Variants in LPCAT1 observed in about 807,000 individuals in gnomAD.
LPCAT1 encodes the protein 1-acylglycerol-3-phosphate O-acyltransferase.
A neutral mutation model predicts 60.9 loss-of-function variants in LPCAT1; 23 were observed. That is an observed-to-expected ratio of 0.38 (90% CI 0.27 to 0.53). The LOEUF (loss-of-function observed/expected upper bound fraction) is 0.53. LPCAT1 is among the 20% of genes least tolerant of loss of function. The probability of loss-of-function intolerance (pLI) is 0.82; values close to 1 mark genes in which losing one functional copy is unlikely to be tolerated. For synonymous variants in LPCAT1, 340 were observed against 301.1 expected, an observed-to-expected ratio of 1.13 and a Z score of -1.34; for missense variants, 622 against 723.6, an observed-to-expected ratio of 0.86 and a Z score of 1.61.
intron 3 of LPCAT1, among the ~76,000 whole-genome samples, chr5:1,494,415 G>C (rs1053352092): frequency 6.0e-5 from 8 of 133,148 alleles, no homozygotes; most frequent in Non-Finnish European, 1.1e-4. Flanking sequence ...GCAGCGTGGT[G>C]GGGGGGGGGT....
chr5:1,477,469 G>A lies in LPCAT1; in HGVS notation c.834C>T (p.Ser278=). The change falls in exon 9 of 14, where the codon AGC becomes AGT. Residue 278 remains serine, a synonymous_variant. Transcript: ENST00000283415. The surrounding 1 kb of genome is among the most constrained non-coding windows in gnomAD (Gnocchi z 6.0). ...GGTTCCTCTTCTCCTCCTCAGAAGG[G>A]CTGTACACAGGAAGGAACTGAGCAC... The part of the protein sequence containing the change: ...QVEIEFLPVY[S]PSEEEKRNPA... 3.1e-6 allele frequency: 5 copies of A among 1,613,822 alleles called. No individual in the cohort carries two copies. The highest frequency in any genetic ancestry group is 1.1e-5 in the South Asian group (1 of 91,076).
chr5:1,509,373 C>G (rs1169026062), intron 1 of LPCAT1, among the ~76,000 whole-genome samples: 2 of 152,252 alleles, frequency 1.3e-5, no homozygotes, highest in African/African-American at 4.8e-5. Flanking sequence ...TGCAAATCCA[C>G]GAGAGAACGT....
intron 8 of LPCAT1, among the ~76,000 whole-genome samples, chr5:1,479,312 G>A (rs972301689): frequency 2.0e-5 from 3 of 152,204 alleles, no homozygotes; most frequent in African/African-American, 7.2e-5. Flanking sequence ...GGCCCAGGAG[G>A]TCGAGGCTGC....
intron 2 of LPCAT1, among the ~76,000 whole-genome samples, chr5:1,500,362 TA>T (rs749487332): frequency 1.3e-5 from 2 of 152,282 alleles, no homozygotes; most frequent in Non-Finnish European, 2.9e-5. Context: ...TTTAGGAATT[TA>T]AATGAAACAA....
rs568511795 is a variant in LPCAT1 at position 1,483,953 on chromosome 5, C to T, written c.668-467G>A. Among the ~76,000 whole-genome samples, 7 of 152,248 alleles carry T rather than the reference C, an allele frequency of 4.6e-5. No homozygotes were observed. The highest frequency in any genetic ancestry group is 1.3e-4 in the Admixed American group (2 of 15,290). On this transcript the variant is annotated intron_variant, in intron 5 of 13. Coordinates refer to ENST00000283415, the MANE Select transcript of LPCAT1 (RefSeq NM_024830.5). The surrounding 1 kb of genome is among the most constrained non-coding windows in gnomAD (Gnocchi z 9.2). ...GTAACATCGCGCACCAGCTGGAAGG[C>T]GTTGGTGGGAAGTGGGGGTCCTCAT...
rs1734931030 is a variant in LPCAT1 at position 1,476,642 on chromosome 5, G to A, written c.899+762C>T. On this transcript the variant is annotated intron_variant, in intron 9 of 13. Transcript: ENST00000283415. The surrounding 1 kb of genome is among the most constrained non-coding windows in gnomAD (Gnocchi z 8.6). ...CTCCTGCAGCTCAGGTCTGGCAGCCGCCCGGTGGAGGGGAGGCTCTAGCTC... is the reference window on the plus strand; with the variant it reads ...CTCCTGCAGCTCAGGTCTGGCAGCCACCCGGTGGAGGGGAGGCTCTAGCTC... Among the ~76,000 whole-genome samples the A allele has an allele frequency of 1.3e-5, 2 of 152,174 alleles. No individual in the cohort carries two copies. Among genetic ancestry groups the A allele is most frequent in the African/African-American group, 2.4e-5 (1 of 41,430 alleles).
chr5:1,499,385 C>CAGGT (rs1382429352), intron 2 of LPCAT1, among the ~76,000 whole-genome samples: 1 of 152,208 alleles, frequency 6.6e-6, no homozygotes, highest in Non-Finnish European at 1.5e-5. Context: ...CACATTCAGC[C>CAGGT]AGGTCACCTG....
At chr5:1,470,756 A>C in intron 12 of LPCAT1, 70 bp downstream of exon 12, 1 of 1,186,008 alleles carries the variant, frequency 8.4e-7, no homozygotes, top group Non-Finnish European at 1.2e-6. Flanking sequence ...AACTAGAGAA[A>C]TGAACAATGG....
intron 1 of LPCAT1, among the ~76,000 whole-genome samples, chr5:1,506,310 T>G (rs1276816601): frequency 1.3e-5 from 2 of 152,240 alleles, no homozygotes; most frequent in Non-Finnish European, 2.9e-5. Context: ...CTGTGCGCTC[T>G]TTCTCTGCCA....
At chr5:1,493,554 T>A (rs1241547376) in intron 3 of LPCAT1, among the ~76,000 whole-genome samples, 1 of 152,242 alleles carries the variant, frequency 6.6e-6, no homozygotes, top group Non-Finnish European at 1.5e-5. Flanking sequence ...AGCAGCTCCT[T>A]CCCTCAGCAC....
At chr5:1,472,756 G>T (rs1033155734) in intron 11 of LPCAT1, among the ~76,000 whole-genome samples, 3 of 151,970 alleles carry the variant, frequency 2.0e-5, no homozygotes, top group Admixed American at 2.0e-4. Flanking sequence ...CATCCGAGAC[G>T]CTGTTTGCAG....
At chr5:1,519,774 A>C (rs936414176) in intron 1 of LPCAT1, among the ~76,000 whole-genome samples, 2 of 152,234 alleles carry the variant, frequency 1.3e-5, no homozygotes, top group Admixed American at 6.5e-5. Flanking sequence ...CCAGGTCATC[A>C]GAAGGCAGCT....
chr5:1,520,970 C>A (rs1326478523), intron 1 of LPCAT1, among the ~76,000 whole-genome samples: 1 of 151,710 alleles, frequency 6.6e-6, no homozygotes, highest in Non-Finnish European at 1.5e-5. Context: ...AGGAAAGTAC[C>A]GAGAAAACCC....
In LPCAT1 at chr5:1,481,841, C is replaced by T. The variant is rs146076171; in HGVS notation, c.727-865G>A. 7.9e-5 allele frequency among the ~76,000 whole-genome samples: 12 copies of T among 152,342 alleles called. No individual in the cohort carries two copies. Among genetic ancestry groups the T allele is most frequent in the African/African-American group, 9.6e-5 (4 of 41,582 alleles). On this transcript the variant is annotated intron_variant, in intron 6 of 13. Coordinates refer to ENST00000283415, the MANE Select transcript of LPCAT1 (RefSeq NM_024830.5). The surrounding 1 kb of genome is among the most constrained non-coding windows in gnomAD (Gnocchi z 7.8). Reference sequence around the variant, plus strand: ...AGAGGTCTTTCAGTCGTGTGACTACCGGCCCTGACTCCATTTTATTACCTG... The same window carrying T: ...AGAGGTCTTTCAGTCGTGTGACTACTGGCCCTGACTCCATTTTATTACCTG...
chr5:1,521,620 G>A lies in LPCAT1; in HGVS notation c.135+2090C>T, dbSNP rs780538528. 1.4e-5 allele frequency: 4 copies of A among 283,892 alleles called. No homozygotes were observed. Among genetic ancestry groups the A allele is most frequent in the African/African-American group, 6.8e-5 (3 of 43,846 alleles). 17.6% of individuals were successfully genotyped at this position (283,892 alleles called of 1,614,324 possible). ...CACATTGCAGACATCCAGCAGAAAC[G>A]ACTGGATGTACAAACACACCTAATT... On this transcript the variant is annotated intron_variant, in intron 1 of 13. Transcript: ENST00000283415. This position sits in a 1 kb window ranked among gnomAD's most constrained non-coding sequence, Gnocchi z 4.3.
intron 11 of LPCAT1, 81 bp from the exon 12 acceptor site, chr5:1,471,005 G>T: frequency 9.1e-7 from 1 of 1,102,346 alleles, no homozygotes; most frequent in Non-Finnish European, 1.3e-6. Flanking sequence ...GGGTGCTGGT[G>T]TTAATTAAAG....
At chr5:1,472,248 G>A (rs995088437) in intron 11 of LPCAT1, among the ~76,000 whole-genome samples, 10 of 151,826 alleles carry the variant, frequency 6.6e-5, no homozygotes, top group Non-Finnish European at 1.5e-4. Context: ...CAGAGAGCTG[G>A]GGGTGAGGAG....
chr5:1,475,735 CG>C (rs1734880621), intron 9 of LPCAT1, among the ~76,000 whole-genome samples: 2 of 152,114 alleles, frequency 1.3e-5, no homozygotes, highest in Non-Finnish European at 2.9e-5. Flanking sequence ...CTCCACTCCC[CG>C]AGTGGGGCTG....
chr5:1,519,411 C>A (rs1397529616), intron 1 of LPCAT1, among the ~76,000 whole-genome samples: 1 of 152,242 alleles, frequency 6.6e-6, no homozygotes, highest in South Asian at 2.1e-4. Context: ...AAAGTAAAGT[C>A]TTTTCCGATT....
Sources: gnomAD v4.1 joint callset for allele counts (sites outside exome capture counted in the v4.1 genomes callset) on GRCh38, gnomAD v4.1.1 for gene constraint, Gnocchi (gnomAD v3.1) non-coding constraint, MANE v1.5 for transcripts, NCBI Gene and HGNC (gene_info 2026-07-23, HGNC 2026-07-21) for gene names.